The following WDR93 variants were observed in gnomAD, a reference collection of about 807,000 sequenced individuals.
WDR93 encodes the protein WD repeat domain 93.
Under a neutral mutation model 82.9 loss-of-function variants are expected in WDR93, and 73 were observed. That is an observed-to-expected ratio of 0.88 (90% CI 0.73 to 1.07). The LOEUF (loss-of-function observed/expected upper bound fraction) is 1.07, where lower values mean the gene tolerates loss of function less well. Ranked by LOEUF, WDR93 falls within the 50% of genes least tolerant of loss-of-function variation. The probability of loss-of-function intolerance (pLI) is 0.00; values close to 1 mark genes in which losing one functional copy is unlikely to be tolerated. For synonymous variants in WDR93, 283 were observed against 300.1 expected, an observed-to-expected ratio of 0.94 and a Z score of 0.59; for missense variants, 738 against 826.0, an observed-to-expected ratio of 0.89 and a Z score of 1.31.
intron 9 of WDR93, among the ~76,000 whole-genome samples, chr15:89,727,613 A>G (rs1478048807): frequency 6.6e-6 from 1 of 152,196 alleles, no homozygotes; most frequent in Non-Finnish European, 1.5e-5. Context: ...ACATCAGCAG[A>G]TATTTTGAAA....
At chr15:89,728,545 A>G (rs1207746776) in intron 9 of WDR93, among the ~76,000 whole-genome samples, 1 of 152,210 alleles carries the variant, frequency 6.6e-6, no homozygotes, top group Non-Finnish European at 1.5e-5. Flanking sequence ...AGGGTTTTGC[A>G]AGCCAGTTGT....
intron 7 of WDR93, among the ~76,000 whole-genome samples, chr15:89,719,946 C>A (rs1213843617): frequency 1.3e-5 from 2 of 151,836 alleles, no homozygotes; most frequent in Non-Finnish European, 2.9e-5. Flanking sequence ...ATTACAGGTG[C>A]CTGCCACCAC....
At chr15:89,724,781 G>A (rs1241293192) in intron 8 of WDR93, among the ~76,000 whole-genome samples, 2 of 152,216 alleles carry the variant, frequency 1.3e-5, no homozygotes, top group Admixed American at 6.5e-5. Flanking sequence ...CATTCACTAG[G>A]ATGGGTAAAA....
At chr15:89,727,976 G>A (rs1966804744) in intron 9 of WDR93, among the ~76,000 whole-genome samples, 1 of 152,172 alleles carries the variant, frequency 6.6e-6, no homozygotes, top group Admixed American at 6.5e-5. Context: ...AGCTACTTAG[G>A]AGGCTGAGGC....
rs11457156 is a variant in WDR93, at chr15:89,717,045, C to CTTTTTT, written c.795+113_795+118dup. On this transcript the variant is annotated intron_variant, in intron 7 of 16. Coordinates refer to ENST00000268130, the MANE Select transcript of WDR93 (RefSeq NM_020212.2). ...TTTTTCTTTTCTTTTCTTTTTCTTT[C>CTTTTTT]TTTTTTTTTTTTTTTTTTTTTTGAG... The CTTTTTT allele has an allele frequency of 9.2e-4, 159 of 172,122 alleles. 1 individual carries two copies. The highest frequency in any genetic ancestry group is 1.6e-3 in the African/African-American group (26 of 15,932). The allele number at this position is 172,122 out of a possible 1,614,324, so 10.7% of individuals were successfully genotyped here. A position where few individuals can be genotyped will look rare whatever the true frequency, so the allele number is the denominator to read the frequency against.
intron 16 of WDR93, among the ~76,000 whole-genome samples, chr15:89,742,313 A>G (rs1421061195): frequency 6.6e-6 from 1 of 152,112 alleles, no homozygotes; most frequent in South Asian, 2.1e-4. Context: ...AATCAAAGCT[A>G]TGGTCATTGT....
intron 1 of WDR93, among the ~76,000 whole-genome samples, chr15:89,697,178 C>T (rs1363014815): frequency 6.6e-6 from 1 of 151,482 alleles, no homozygotes; most frequent in Admixed American, 6.6e-5. Context: ...AGACTGGTGT[C>T]AGACTCCTGG....
chr15:89,734,015 G>A (rs190960974), intron 13 of WDR93, among the ~76,000 whole-genome samples: 15 of 144,852 alleles, frequency 1.0e-4, no homozygotes, highest in Middle Eastern at 3.4e-3. Flanking sequence ...GTGTGTGTGC[G>A]CGCGCGCATG....
chr15:89,722,008 T>C lies in WDR93; in HGVS notation c.796-47T>C, dbSNP rs1966548113. 4 of 1,266,990 alleles carry C rather than the reference T, an allele frequency of 3.2e-6. No homozygotes were observed. The African/African-American group carries it at 4.5e-5, about 14-fold the overall frequency. 78.5% of individuals were successfully genotyped at this position (1,266,990 alleles called of 1,614,324 possible). A position where few individuals can be genotyped will look rare whatever the true frequency, so the allele number is the denominator to read the frequency against. ...AAATTAGTATTTTTAATTATTCTATTTCCTCTCTTCTCTTGGCTTATTAAC... is the reference window on the plus strand; with the variant it reads ...AAATTAGTATTTTTAATTATTCTATCTCCTCTCTTCTCTTGGCTTATTAAC... On this transcript the variant is annotated intron_variant, in intron 7 of 16. Coordinates refer to ENST00000268130, the MANE Select transcript of WDR93 (RefSeq NM_020212.2).
chr15:89,690,886 G>GCCGGGGCTCCCCTCGAGTC (rs1964835320), intron 1 of WDR93, 29 bp downstream of exon 1: 1 of 472,656 alleles, frequency 2.1e-6, no homozygotes, highest in Admixed American at 3.8e-5. Flanking sequence ...ACCTTTGGAT[G>GCCGGGGCTCCCCTCGAGTC]CCGGGGCTCC....
At chr15:89,706,633 G>A (rs1416638006) in intron 4 of WDR93, among the ~76,000 whole-genome samples, 2 of 151,786 alleles carry the variant, frequency 1.3e-5, no homozygotes, top group East Asian at 3.9e-4. Context: ...AGAGATTTTA[G>A]ATCTAAATGT....
At chr15:89,718,132 G>A (rs1386762241) in intron 7 of WDR93, among the ~76,000 whole-genome samples, 2 of 152,108 alleles carry the variant, frequency 1.3e-5, no homozygotes, top group Non-Finnish European at 2.9e-5. Flanking sequence ...CTTGAGCTCA[G>A]GAATTTGAGA....
intron 4 of WDR93, among the ~76,000 whole-genome samples, chr15:89,709,496 T>TTTTATATATATATAC: frequency 6.6e-6 from 1 of 151,686 alleles, no homozygotes; most frequent in East Asian, 1.9e-4. Context: ...AAAATACCTG[T>TTTTATATATATATAC]TTTATATATA....
intron 16 of WDR93, among the ~76,000 whole-genome samples, chr15:89,740,647 A>G (rs896269374): frequency 2.0e-5 from 3 of 151,856 alleles, no homozygotes; most frequent in African/African-American, 7.3e-5. Flanking sequence ...GATTACAGGC[A>G]TGCGCCACCA....
At chr15:89,705,083 T>G (rs189185472) in intron 3 of WDR93, 1 of 165,394 alleles carries the variant, frequency 6.0e-6, no homozygotes, top group East Asian at 1.9e-4. Flanking sequence ...ACTTATTAAT[T>G]CAACAAAATT....
chr15:89,738,259 C>T, intron 16 of WDR93, 23 bp downstream of exon 16: 1 of 1,561,378 alleles, frequency 6.4e-7, no homozygotes, highest in Admixed American at 2.0e-5. Context: ...GTGTCTTCAC[C>T]CCCTCCCACA....
chr15:89,735,032 C>CCTTT (rs755767340), intron 13 of WDR93, among the ~76,000 whole-genome samples: 1 of 149,726 alleles, frequency 6.7e-6, no homozygotes, highest in Non-Finnish European at 1.5e-5. Flanking sequence ...ATCCTTCTTT[C>CCTTT]CTTTCTTTCT....
At position 89,700,653 on chromosome 15, in the gene WDR93, C is replaced by T. The variant is rs544105187; in HGVS notation, c.-40-1054C>T. On this transcript the variant is annotated intron_variant, in intron 1 of 16. Coordinates refer to ENST00000268130, the MANE Select transcript of WDR93 (RefSeq NM_020212.2). ...TCTTAGCTCACTGCAACCTCAAACT[C>T]CTGGGCTCAAGAAATTCTCCCACCC... Among the ~76,000 whole-genome samples, 4 of 150,802 alleles carry T rather than the reference C, an allele frequency of 2.7e-5. No individual in the cohort carries two copies. In the South Asian group the frequency reaches 8.4e-4, roughly 32 times the overall value.
At chr15:89,734,139 C>T (rs1483236941) in intron 13 of WDR93, among the ~76,000 whole-genome samples, 1 of 152,198 alleles carries the variant, frequency 6.6e-6, no homozygotes, top group African/African-American at 2.4e-5. Context: ...CCTCATCAAT[C>T]CTTCTTGCTC....
Sources: gnomAD v4.1 joint callset for allele counts (sites outside exome capture counted in the v4.1 genomes callset) on GRCh38, gnomAD v4.1.1 for gene constraint, MANE v1.5 for transcripts, NCBI Gene and HGNC (gene_info 2026-07-23, HGNC 2026-07-21) for gene names.